XKR4: variants seen among roughly 807,000 people sequenced by gnomAD.
XKR4 encodes XK related 4.
A neutral mutation model predicts 53.9 loss-of-function variants in XKR4; 12 were observed. That is an observed-to-expected ratio of 0.22 (90% confidence interval 0.14 to 0.36). The LOEUF (loss-of-function observed/expected upper bound fraction) is 0.36. Ranked by LOEUF, XKR4 falls within the 10% of genes least tolerant of loss-of-function variation. XKR4 has a pLI of 1.00. For missense variants in XKR4, 799 were observed against 859.5 expected, an observed-to-expected ratio of 0.93 and a Z score of 0.88; for synonymous variants, 354 against 362.4, an observed-to-expected ratio of 0.98 and a Z score of 0.26.
chr8:55,113,049 G>T (rs1050257036), intron 1 of XKR4, among the ~76,000 whole-genome samples: 1 of 152,074 alleles, frequency 6.6e-6, no homozygotes, highest in African/African-American at 2.4e-5. Context: ...TTCTAGAGGG[G>T]TGTGGGTTTC....
At chr8:55,451,043 C>G in intron 2 of XKR4, 1 of 547,950 alleles carries the variant, frequency 1.8e-6, no homozygotes, top group Non-Finnish European at 3.4e-6. Flanking sequence ...CCTGGAATAC[C>G]TTAATGGGCA....
chr8:55,254,377 C>G (rs1354588720), intron 1 of XKR4, among the ~76,000 whole-genome samples: 1 of 152,070 alleles, frequency 6.6e-6, no homozygotes, highest in Non-Finnish European at 1.5e-5. Context: ...AATTGGTGCT[C>G]TCTTATCCAT....
intron 1 of XKR4, among the ~76,000 whole-genome samples, chr8:55,272,650 A>G (rs1307725219): frequency 6.6e-6 from 1 of 152,144 alleles, no homozygotes; most frequent in Non-Finnish European, 1.5e-5. Context: ...CAGTGCCTGC[A>G]TGCCTCTCTC....
intron 2 of XKR4, among the ~76,000 whole-genome samples, chr8:55,441,017 C>T (rs1386711167): frequency 1.4e-5 from 2 of 145,146 alleles, no homozygotes; most frequent in Admixed American, 7.3e-5. Context: ...AGCTTGATCC[C>T]AAAAGCTTGA....
intron 2 of XKR4, among the ~76,000 whole-genome samples, chr8:55,422,659 A>G (rs1311972124): frequency 6.6e-6 from 1 of 152,236 alleles, no homozygotes; most frequent in Non-Finnish European, 1.5e-5. Context: ...AGAATGCCAG[A>G]CGGGTGGTTT....
chr8:55,206,052 G>C (rs763488430), intron 1 of XKR4, among the ~76,000 whole-genome samples: 2 of 152,172 alleles, frequency 1.3e-5, no homozygotes, highest in East Asian at 1.9e-4. Context: ...CGGTGGGTTC[G>C]TAGTCTCTCT....
chr8:55,124,196 C>T (rs1408954252), intron 1 of XKR4, among the ~76,000 whole-genome samples: 7 of 152,184 alleles, frequency 4.6e-5, no homozygotes, highest in Admixed American at 1.3e-4. Context: ...CCCAAGCTGG[C>T]GACGCTGCTC....
At chr8:55,244,762 T>C (rs1169562268) in intron 1 of XKR4, among the ~76,000 whole-genome samples, 2 of 152,204 alleles carry the variant, frequency 1.3e-5, no homozygotes, top group African/African-American at 4.8e-5. Flanking sequence ...CCATTCTGAC[T>C]GATGTGAGAT....
intron 1 of XKR4, among the ~76,000 whole-genome samples, chr8:55,326,971 C>T (rs7836475): frequency 1.8e-4 from 27 of 152,060 alleles, no homozygotes; most frequent in African/African-American, 6.3e-4. Context: ...AACCTCTCTC[C>T]CTTGCTTCTT....
chr8:55,123,524 T>A (rs1816420523), intron 1 of XKR4, among the ~76,000 whole-genome samples: 1 of 152,208 alleles, frequency 6.6e-6, no homozygotes, highest in Admixed American at 6.5e-5. Flanking sequence ...CTTCAGTCCA[T>A]GATGACACTG....
At chr8:55,228,955 C>T (rs56340470) in intron 1 of XKR4, among the ~76,000 whole-genome samples, 3,173 of 152,262 alleles carry the variant, frequency 0.021, 114 homozygotes, top group African/African-American at 0.071. Flanking sequence ...ACTCTGATCA[C>T]GGGGTTCCCT....
intron 2 of XKR4, among the ~76,000 whole-genome samples, chr8:55,367,127 T>C (rs1374378790): frequency 6.6e-6 from 1 of 152,142 alleles, no homozygotes; most frequent in African/African-American, 2.4e-5. Flanking sequence ...AGCCCTGCTC[T>C]TACCCCCTCC....
chr8:55,436,437 T>G (rs1691782718), intron 2 of XKR4, among the ~76,000 whole-genome samples: 1 of 152,210 alleles, frequency 6.6e-6, no homozygotes, highest in Admixed American at 6.5e-5. Flanking sequence ...TATATTTACC[T>G]CAACCAAATT....
rs2129353837 is a variant in XKR4, at chr8:55,137,979, A to C, written c.806+34685A>C. 1.3e-5 allele frequency among the ~76,000 whole-genome samples: 2 copies of C among 152,196 alleles called. 1 individual carries two copies. The highest frequency in any genetic ancestry group is 4.8e-5 in the African/African-American group (2 of 41,522). ...CACCCAACTGTATTATTTGTATTAA[A>C]AAGATTGTTCTGGTATCTTGAAAGT... On this transcript the variant is annotated intron_variant, in intron 1 of 2. Coordinates refer to ENST00000327381, the MANE Select transcript of XKR4 (RefSeq NM_052898.2).
intron 2 of XKR4, chr8:55,451,173 C>A: frequency 1.8e-6 from 1 of 551,012 alleles, no homozygotes; most frequent in Middle Eastern, 3.8e-4. Flanking sequence ...CGGGGGACAC[C>A]CGTTGGCCTG....
intron 1 of XKR4, among the ~76,000 whole-genome samples, chr8:55,229,077 A>G (rs2129366596): frequency 6.6e-6 from 1 of 152,340 alleles, no homozygotes; most frequent in Non-Finnish European, 1.5e-5. Context: ...CCCTGACTGG[A>G]GCATGTTGTC....
intron 1 of XKR4, among the ~76,000 whole-genome samples, chr8:55,245,931 CTAAATAAA>C (rs200567701): frequency 1.2e-4 from 19 of 152,064 alleles, no homozygotes; most frequent in Admixed American, 2.6e-4. Context: ...CCTGTCTCTA[CTAAATAAA>C]TAAATAAATA....
intron 1 of XKR4, chr8:55,135,441 A>G (rs945281171): frequency 2.9e-6 from 1 of 347,154 alleles, no homozygotes; most frequent in African/African-American, 2.1e-5. Flanking sequence ...ATAGGGACAG[A>G]AAGAATGAAA....
At chr8:55,340,226 A>G (rs1415823281) in intron 1 of XKR4, among the ~76,000 whole-genome samples, 3 of 152,248 alleles carry the variant, frequency 2.0e-5, no homozygotes, top group Admixed American at 1.3e-4. Context: ...GAATGCATAC[A>G]TAGTTAACTG....
Sources: allele counts gnomAD v4.1 joint callset (sites outside exome capture counted in the v4.1 genomes callset), GRCh38; gene constraint gnomAD v4.1.1; transcripts MANE v1.5; gene names NCBI Gene and HGNC (gene_info 2026-07-23, HGNC 2026-07-21).